STX8: variants seen among roughly 807,000 people sequenced by gnomAD.
The protein encoded by STX8 is syntaxin-8.
STX8 carries 23 observed loss-of-function variants against 37.5 expected under a neutral mutation model. The ratio of observed to expected loss-of-function variants is 0.61; its 90% CI spans 0.44 to 0.87. The LOEUF (loss-of-function observed/expected upper bound fraction) is 0.87, where lower values mean the gene tolerates loss of function less well. Among genes scored for constraint, STX8 ranks in the 40% least tolerant of loss-of-function variants. The pLI, the probability that STX8 is intolerant of heterozygous loss-of-function variation, is 0.00. For missense variants in STX8, 313 were observed against 284.7 expected, an observed-to-expected ratio of 1.10 and a Z score of -0.71; for synonymous variants, 115 against 99.1, an observed-to-expected ratio of 1.16 and a Z score of -0.95.
chr17:9,486,792 G>C (rs1342073897), intron 6 of STX8, among the ~76,000 whole-genome samples: 1 of 152,132 alleles, frequency 6.6e-6, no homozygotes, highest in African/African-American at 2.4e-5. Context: ...CTGGGAGATG[G>C]AGGATGCAGT....
At chr17:9,275,350 G>A (rs762425184) in intron 7 of STX8, among the ~76,000 whole-genome samples, 7 of 152,174 alleles carry the variant, frequency 4.6e-5, no homozygotes, top group Admixed American at 6.5e-5. Flanking sequence ...GTAAAGGGCT[G>A]GCTTCACTGA....
intron 7 of STX8, among the ~76,000 whole-genome samples, chr17:9,320,756 C>T (rs1183485305): frequency 6.6e-6 from 1 of 151,614 alleles, no homozygotes; most frequent in Non-Finnish European, 1.5e-5. Context: ...CAAAAGTTAG[C>T]TGGGTGTGGT....
chr17:9,441,998 C>T (rs534458374), intron 6 of STX8, among the ~76,000 whole-genome samples: 3 of 152,184 alleles, frequency 2.0e-5, no homozygotes, highest in African/African-American at 7.2e-5. Flanking sequence ...CAGGCTGACT[C>T]TCAGATCTAA....
At chr17:9,446,542 A>G (rs1463941258) in intron 6 of STX8, among the ~76,000 whole-genome samples, 1 of 152,202 alleles carries the variant, frequency 6.6e-6, no homozygotes, top group Non-Finnish European at 1.5e-5. Context: ...GAGGAAGCAA[A>G]CTACTGTTTT....
intron 4 of STX8, among the ~76,000 whole-genome samples, chr17:9,529,290 C>A (rs903360524): frequency 6.6e-6 from 1 of 151,994 alleles, no homozygotes; most frequent in East Asian, 1.9e-4. Context: ...GGTGCGCACA[C>A]GCATGTGTGT....
At chr17:9,399,941 TTAAG>T (rs577283789) in intron 6 of STX8, among the ~76,000 whole-genome samples, 122 of 151,794 alleles carry the variant, frequency 8.0e-4, no homozygotes, top group African/African-American at 2.8e-3. Flanking sequence ...TTCCAAAATA[TTAAG>T]TAAATATTTA....
chr17:9,505,120 G>C lies in STX8; in HGVS notation c.366C>G (p.Asn122Lys). 6.2e-7 allele frequency: 1 copy of C among 1,613,994 alleles called. No individual in the cohort carries two copies. ...CCTCTGGCTCCTCAAAGAGCCAAGG[G>C]TTGGGTGCTCCTCGCTTAGCCTCTT... ...MSEEAKRGAP[N>K]PWLFEEPEET... Residue 122 changes from asparagine to lysine, a missense_variant, in exon 5 of 8, where the codon AAC becomes AAG. Coordinates refer to ENST00000306357, the MANE Select transcript of STX8 (RefSeq NM_004853.3).
intron 6 of STX8, among the ~76,000 whole-genome samples, chr17:9,470,476 G>A (rs886135403): frequency 2.6e-5 from 4 of 152,186 alleles, no homozygotes; most frequent in Non-Finnish European, 1.5e-5. Flanking sequence ...AGAACTCTGA[G>A]GATAAGCCAA....
intron 6 of STX8, among the ~76,000 whole-genome samples, chr17:9,444,629 G>A (rs1482378400): frequency 6.6e-6 from 1 of 152,154 alleles, no homozygotes; most frequent in African/African-American, 2.4e-5. Flanking sequence ...TCCAGAGATG[G>A]TGCATCCATG....
chr17:9,465,422 G>T (rs543244328), intron 6 of STX8, among the ~76,000 whole-genome samples: 4 of 152,166 alleles, frequency 2.6e-5, no homozygotes, highest in African/African-American at 4.8e-5. Flanking sequence ...AACATATGGA[G>T]CAATCTCAGG....
chr17:9,430,609 C>T (rs1034357701), intron 6 of STX8, among the ~76,000 whole-genome samples: 22 of 150,556 alleles, frequency 1.5e-4, no homozygotes, highest in African/African-American at 2.4e-5. Flanking sequence ...CTTGTTTACA[C>T]ATTCATCTGT....
intron 5 of STX8, among the ~76,000 whole-genome samples, chr17:9,495,010 A>C (rs1904333833): frequency 6.6e-6 from 1 of 152,208 alleles, no homozygotes. Flanking sequence ...GCTTATCTAC[A>C]AAAGCAAAAA....
chr17:9,281,478 C>T (rs1262674607), intron 7 of STX8, among the ~76,000 whole-genome samples: 2 of 151,558 alleles, frequency 1.3e-5, no homozygotes, highest in Non-Finnish European at 2.9e-5. Context: ...GTTTTGACAG[C>T]ACGATATTTG....
intron 7 of STX8, among the ~76,000 whole-genome samples, chr17:9,303,289 C>CAAAT (rs552781043): frequency 1.8e-4 from 27 of 152,074 alleles, no homozygotes; most frequent in Non-Finnish European, 2.6e-4. Flanking sequence ...GACTCTGTCT[C>CAAAT]AAATAAATAA....
At chr17:9,445,914 T>C (rs1024914166) in intron 6 of STX8, among the ~76,000 whole-genome samples, 3 of 149,640 alleles carry the variant, frequency 2.0e-5, no homozygotes, top group African/African-American at 7.4e-5. Flanking sequence ...CTCAGCTCAC[T>C]GCAAGCTCTG....
At chr17:9,310,871 T>C (rs1049720701) in intron 7 of STX8, among the ~76,000 whole-genome samples, 2 of 152,144 alleles carry the variant, frequency 1.3e-5, no homozygotes, top group African/African-American at 2.4e-5. Context: ...CAATCCTAGT[T>C]TGATATCTCA....
At chr17:9,464,212 A>T (rs537752078) in intron 6 of STX8, among the ~76,000 whole-genome samples, 38 of 152,372 alleles carry the variant, frequency 2.5e-4, no homozygotes, top group Admixed American at 8.5e-4. Flanking sequence ...ATTATTGTAA[A>T]GAGCAGTTGC....
chr17:9,261,582 A>G (rs1033532270), intron 7 of STX8, among the ~76,000 whole-genome samples: 5 of 152,166 alleles, frequency 3.3e-5, no homozygotes, highest in African/African-American at 9.6e-5. Context: ...CGCTTCCTGC[A>G]CAGAAAGTGC....
chr17:9,479,198 G>T (rs1906214707), intron 6 of STX8, among the ~76,000 whole-genome samples: 1 of 152,016 alleles, frequency 6.6e-6, no homozygotes, highest in African/African-American at 2.4e-5. Flanking sequence ...ATATGCTATT[G>T]GCTGTGGGAC....
Sources: allele counts gnomAD v4.1 joint callset (sites outside exome capture counted in the v4.1 genomes callset), GRCh38; gene constraint gnomAD v4.1.1; transcripts MANE v1.5; gene names NCBI Gene and HGNC (gene_info 2026-07-23, HGNC 2026-07-21).